STX8: variants seen among roughly 807,000 people sequenced by gnomAD.
The protein encoded by STX8 is syntaxin 8.
A neutral mutation model predicts 37.5 loss-of-function variants in STX8; 23 were observed. That is an observed-to-expected ratio of 0.61 (90% CI 0.44 to 0.87). STX8 has a LOEUF of 0.87. Ranked by LOEUF, STX8 falls within the 40% of genes least tolerant of loss-of-function variation. STX8 has a pLI of 0.00. For missense variants in STX8, 313 were observed against 284.7 expected (o/e 1.10, Z -0.71); for synonymous variants, 115 against 99.1 (o/e 1.16, Z -0.95).
At chr17:9,340,814 T>C (rs180915983) in intron 7 of STX8, among the ~76,000 whole-genome samples, 116 of 150,666 alleles carry the variant, frequency 7.7e-4, no homozygotes, top group African/African-American at 2.7e-3. Flanking sequence ...TGTGCGACTA[T>C]GCCTGGCTAA....
intron 4 of STX8, among the ~76,000 whole-genome samples, chr17:9,514,866 G>A (rs1905121120): frequency 6.6e-6 from 1 of 152,112 alleles, no homozygotes; most frequent in African/African-American, 2.4e-5. Flanking sequence ...GGCAGAAACT[G>A]AAAATCACCC....
chr17:9,332,408 A>T (rs1178328878), intron 7 of STX8, among the ~76,000 whole-genome samples: 2 of 152,232 alleles, frequency 1.3e-5, no homozygotes, highest in Non-Finnish European at 2.9e-5. Context: ...CTTAACCAAC[A>T]TCATCCACCA....
intron 6 of STX8, among the ~76,000 whole-genome samples, chr17:9,395,353 G>C (rs1912363373): frequency 6.6e-6 from 1 of 152,138 alleles, no homozygotes; most frequent in South Asian, 2.1e-4. Flanking sequence ...TCTAATCCCA[G>C]CACTTTGGGA....
chr17:9,517,824 T>TGAAAAAAA (rs1905199712), intron 4 of STX8, among the ~76,000 whole-genome samples: 1 of 144,184 alleles, frequency 6.9e-6, no homozygotes, highest in Admixed American at 6.9e-5. Context: ...CAAAGAGACT[T>TGAAAAAAA]AAGGCAGCCT....
chr17:9,408,077 G>A (rs758301374), intron 6 of STX8, among the ~76,000 whole-genome samples: 36 of 152,112 alleles, frequency 2.4e-4, no homozygotes, highest in Admixed American at 1.2e-3. Flanking sequence ...TTACGCCAGA[G>A]GCAGGTTGGA....
chr17:9,383,333 G>T lies in STX8; in HGVS notation c.542-4680C>A, dbSNP rs374554085. On this transcript the variant is annotated intron_variant, in intron 6 of 7. Transcript: ENST00000306357. The stretch of plus-strand genomic sequence containing the variant: ...TCTAAATGCATATATTAGTAAAGAA[G>T]AAAGATGTGAAATCAATGATCAGAC... Among the ~76,000 whole-genome samples the T allele has an allele frequency of 2.6e-3, 396 of 152,294 alleles. 3 individuals carry two copies. The highest frequency in any genetic ancestry group is 0.022 in the South Asian group (108 of 4,830).
chr17:9,348,525 G>A (rs1230213203), intron 7 of STX8, among the ~76,000 whole-genome samples: 1 of 148,248 alleles, frequency 6.7e-6, no homozygotes, highest in African/African-American at 2.5e-5. Context: ...TTTCCAGACT[G>A]AGAAGTCCTT....
intron 7 of STX8, among the ~76,000 whole-genome samples, chr17:9,331,207 C>T (rs1909951832): frequency 6.6e-6 from 1 of 152,152 alleles, no homozygotes. Context: ...CGCTACGAAA[C>T]CAGCATATGT....
intron 7 of STX8, among the ~76,000 whole-genome samples, chr17:9,345,848 C>CTTTTTTTTTTTT (rs545020159): frequency 0.12 from 6,490 of 52,052 alleles, 2,203 homozygotes; most frequent in Non-Finnish European, 0.16. Context: ...TTATGCATTC[C>CTTTTTTTTTTTT]TTTTTTTTTT....
At chr17:9,480,898 T>C (rs566208552) in intron 6 of STX8, among the ~76,000 whole-genome samples, 13 of 145,876 alleles carry the variant, frequency 8.9e-5, no homozygotes, top group East Asian at 1.9e-4. Flanking sequence ...TTCTTTCTTT[T>C]TTTTGAGGTG....
chr17:9,513,830 T>C (rs34441942), intron 4 of STX8, among the ~76,000 whole-genome samples: 5,317 of 152,260 alleles, frequency 0.035, 128 homozygotes, highest in Non-Finnish European at 0.056. Flanking sequence ...CGGAATACAA[T>C]TTAGCCATAA....
intron 7 of STX8, among the ~76,000 whole-genome samples, chr17:9,263,387 G>C (rs932902605): frequency 6.6e-6 from 1 of 152,044 alleles, no homozygotes; most frequent in Non-Finnish European, 1.5e-5. Flanking sequence ...GGCTGAGGCA[G>C]GAGATCGCTT....
intron 2 of STX8, among the ~76,000 whole-genome samples, chr17:9,557,797 T>A (rs1907039252): frequency 6.6e-6 from 1 of 152,154 alleles, no homozygotes; most frequent in Non-Finnish European, 1.5e-5. Flanking sequence ...CTAGAAACTG[T>A]CAGTGTGCTC....
At chr17:9,261,574 CTTCCTGCACAGAA>C (rs1438704267) in intron 7 of STX8, among the ~76,000 whole-genome samples, 1 of 152,162 alleles carries the variant, frequency 6.6e-6, no homozygotes, top group Non-Finnish European at 1.5e-5. Flanking sequence ...GCTATTGTCG[CTTCCTGCACAGAA>C]AGTGCTGAAT....
chr17:9,403,747 A>G (rs536312499), intron 6 of STX8, among the ~76,000 whole-genome samples: 63 of 152,042 alleles, frequency 4.1e-4, no homozygotes, highest in Non-Finnish European at 7.9e-4. Context: ...CCCGGGTTCA[A>G]GCAATTCTCC....
At chr17:9,542,105 T>C (rs1906300778) in intron 4 of STX8, among the ~76,000 whole-genome samples, 1 of 151,940 alleles carries the variant, frequency 6.6e-6, no homozygotes, top group South Asian at 2.1e-4. Flanking sequence ...ATGGCTGTAA[T>C]CCCAGCGTTT....
chr17:9,392,944 T>A (rs1341928543), intron 6 of STX8, among the ~76,000 whole-genome samples: 1 of 151,978 alleles, frequency 6.6e-6, no homozygotes, highest in African/African-American at 2.4e-5. Context: ...CGTGAACAAA[T>A]AATGGTTGAA....
Position 9,397,713 on chromosome 17 carries a change from C to T in STX8, c.542-19060G>A, listed in dbSNP as rs144950123. 2.6e-3 allele frequency among the ~76,000 whole-genome samples: 393 copies of T among 152,266 alleles called. 2 individuals carry two copies. The highest frequency in any genetic ancestry group is 8.4e-3 in the African/African-American group (348 of 41,564). ...GATTGAGGCCGGGCACGGTAGCTCA[C>T]ACCTGTAATTCCAGCACCTTGGGAG... is the stretch of plus-strand genomic sequence containing the variant. On this transcript the variant is annotated intron_variant, in intron 6 of 7. Transcript: ENST00000306357.
chr17:9,515,578 A>C (rs1209673387), intron 4 of STX8, among the ~76,000 whole-genome samples: 3 of 152,154 alleles, frequency 2.0e-5, no homozygotes, highest in Non-Finnish European at 4.4e-5. Flanking sequence ...GCGGGAGTGC[A>C]GTGGTACAAT....
Sources: gnomAD v4.1 joint callset for allele counts (sites outside exome capture counted in the v4.1 genomes callset) on GRCh38, gnomAD v4.1.1 for gene constraint, MANE v1.5 for transcripts, NCBI Gene and HGNC (gene_info 2026-07-23, HGNC 2026-07-21) for gene names.